SLCO5A1: variants seen among roughly 807,000 people sequenced by gnomAD.
SLCO5A1 encodes the protein solute carrier organic anion transporter family member 5A1.
SLCO5A1 carries 39 observed loss-of-function variants against 65.1 expected under a neutral mutation model. That is an observed-to-expected ratio of 0.60 (90% CI 0.46 to 0.78). The LOEUF (loss-of-function observed/expected upper bound fraction) is 0.78, where lower values mean the gene tolerates loss of function less well. SLCO5A1 is among the 30% of genes least tolerant of loss of function. The pLI is 0.00. For synonymous variants in SLCO5A1, 438 were observed against 415.7 expected, an observed-to-expected ratio of 1.05 and a Z score of -0.65; for missense variants, 1,029 against 1,069.4, an observed-to-expected ratio of 0.96 and a Z score of 0.53.
chr8:69,721,146 C>G (rs550556833), intron 5 of SLCO5A1, among the ~76,000 whole-genome samples: 1 of 152,310 alleles, frequency 6.6e-6, no homozygotes, highest in East Asian at 1.9e-4. Context: ...CTTCCTCCTT[C>G]CATTTTGCTA....
chr8:69,834,180 A>G (rs1196510750), intron 1 of SLCO5A1: 1 of 154,350 alleles, frequency 6.5e-6, no homozygotes, highest in East Asian at 1.9e-4. Context: ...GAATTCAGCA[A>G]GAATCGAAAA....
chr8:69,834,465 C>T (rs370917777), intron 1 of SLCO5A1, among the ~76,000 whole-genome samples: 2 of 152,334 alleles, frequency 1.3e-5, no homozygotes, highest in East Asian at 3.9e-4. Flanking sequence ...CCCAGATTCC[C>T]GGCCTGCCAG....
chr8:69,752,959 C>G (rs1001871435), intron 4 of SLCO5A1, among the ~76,000 whole-genome samples: 4 of 152,140 alleles, frequency 2.6e-5, no homozygotes, highest in Non-Finnish European at 4.4e-5. Flanking sequence ...ATATCTTGAA[C>G]CATCAAACTG....
At chr8:69,748,496 TAGAC>T (rs1048069944) in intron 4 of SLCO5A1, among the ~76,000 whole-genome samples, 7 of 152,150 alleles carry the variant, frequency 4.6e-5, no homozygotes, top group East Asian at 1.9e-4. Flanking sequence ...AATAAAATAA[TAGAC>T]AGGAAAGAAA....
chr8:69,794,318 C>T, intron 2 of SLCO5A1: 1 of 448,006 alleles, frequency 2.2e-6, no homozygotes, highest in Non-Finnish European at 4.4e-6. Context: ...AAGTAGATGT[C>T]ACAGGGCAGC....
chr8:69,771,446 A>G (rs1355267749), intron 2 of SLCO5A1, among the ~76,000 whole-genome samples: 2 of 151,940 alleles, frequency 1.3e-5, no homozygotes, highest in Non-Finnish European at 2.9e-5. Flanking sequence ...TATTAGGCTA[A>G]ATTTATTTGT....
intron 5 of SLCO5A1, among the ~76,000 whole-genome samples, chr8:69,733,493 G>C (rs368767922): frequency 1.3e-5 from 2 of 152,206 alleles, no homozygotes; most frequent in East Asian, 3.9e-4. Context: ...TGGATTCCAC[G>C]GGCACCCTGT....
intron 2 of SLCO5A1, among the ~76,000 whole-genome samples, chr8:69,796,279 T>C (rs1392477369): frequency 6.6e-6 from 1 of 151,864 alleles, no homozygotes; most frequent in Admixed American, 6.6e-5. Flanking sequence ...ATGGCCAGGC[T>C]GGAAATTTAC....
At chr8:69,732,866 C>T (rs1271089415) in intron 5 of SLCO5A1, among the ~76,000 whole-genome samples, 1 of 151,450 alleles carries the variant, frequency 6.6e-6, no homozygotes, top group Non-Finnish European at 1.5e-5. Context: ...TCCAGCCTGG[C>T]GACAGAGCGA....
intron 2 of SLCO5A1, among the ~76,000 whole-genome samples, chr8:69,821,828 G>T (rs1384786960): frequency 8.9e-5 from 13 of 145,352 alleles, no homozygotes; most frequent in African/African-American, 2.8e-4. Context: ...AAAAAGAAAA[G>T]AAAAGAAAAA....
At chr8:69,792,414 G>A (rs559326773) in intron 2 of SLCO5A1, among the ~76,000 whole-genome samples, 1 of 152,306 alleles carries the variant, frequency 6.6e-6, no homozygotes, top group African/African-American at 2.4e-5. Flanking sequence ...ATTTGAAATA[G>A]CAGAGATAGA....
chr8:69,776,468 G>A (rs143670675), intron 2 of SLCO5A1, among the ~76,000 whole-genome samples: 103 of 152,190 alleles, frequency 6.8e-4, no homozygotes, highest in African/African-American at 2.3e-3. Context: ...CAAGGCTGGC[G>A]GATTGCTTGA....
chr8:69,827,096 A>G (rs1054769090), intron 2 of SLCO5A1, among the ~76,000 whole-genome samples: 7 of 140,182 alleles, frequency 5.0e-5, no homozygotes, highest in African/African-American at 1.9e-4. Flanking sequence ...AAATTGAACA[A>G]TGAGAACACA....
intron 2 of SLCO5A1, among the ~76,000 whole-genome samples, chr8:69,795,665 C>T (rs1469889348): frequency 6.6e-6 from 1 of 152,186 alleles, no homozygotes; most frequent in East Asian, 1.9e-4. Flanking sequence ...ATCCACTATT[C>T]TGGGGTCTGG....
In SLCO5A1 at chr8:69,832,361, AG is replaced by A; in HGVS notation, c.312del (p.Phe105SerfsTer33). On this transcript the variant is annotated frameshift_variant, in exon 2 of 10. Coordinates refer to ENST00000260126, the MANE Select transcript of SLCO5A1 (RefSeq NM_030958.3). LOFTEE classifies it high-confidence loss of function. The surrounding 1 kb of genome is among the most constrained non-coding windows in gnomAD (Gnocchi z 4.5). ...DCNHRVDLSK[T>X]FSVSSALAML... The stretch of plus-strand genomic sequence containing the variant: ...ATGGCCAAGGCGGAGGACACCGAGA[AG>A]GTTTTGCTGAGGTCCACCCTGTGGT... 1 of 1,613,946 alleles carries A rather than the reference AG, an allele frequency of 6.2e-7. No homozygotes were observed. Among genetic ancestry groups the A allele is most frequent in the Non-Finnish European group, 8.5e-7 (1 of 1,179,922 alleles).
At chr8:69,681,997 C>T (rs1813801257) in intron 7 of SLCO5A1, among the ~76,000 whole-genome samples, 187 bp downstream of exon 7, 1 of 151,768 alleles carries the variant, frequency 6.6e-6, no homozygotes, top group Non-Finnish European at 1.5e-5. Context: ...TCCAGTCATC[C>T]CTGGAAAAAA....
At chr8:69,830,865 G>A (rs1159529401) in intron 2 of SLCO5A1, among the ~76,000 whole-genome samples, 1 of 152,120 alleles carries the variant, frequency 6.6e-6, no homozygotes, top group Non-Finnish European at 1.5e-5. Context: ...TACAATTGAG[G>A]GTTTTTGACA....
At chr8:69,742,496 A>G (rs957804581) in intron 4 of SLCO5A1, among the ~76,000 whole-genome samples, 1 of 152,238 alleles carries the variant, frequency 6.6e-6, no homozygotes, top group Non-Finnish European at 1.5e-5. Context: ...AAACAGTAGT[A>G]AAGTAGGAAT....
At chr8:69,761,171 A>G (rs1343942425) in intron 3 of SLCO5A1, among the ~76,000 whole-genome samples, 1 of 152,240 alleles carries the variant, frequency 6.6e-6, no homozygotes, top group Non-Finnish European at 1.5e-5. Flanking sequence ...GGATTAAGCC[A>G]GTGTCCCCAA....
Sources: gnomAD v4.1 joint callset for allele counts (sites outside exome capture counted in the v4.1 genomes callset) on GRCh38, gnomAD v4.1.1 for gene constraint, Gnocchi (gnomAD v3.1) non-coding constraint, MANE v1.5 for transcripts, NCBI Gene and HGNC (gene_info 2026-07-23, HGNC 2026-07-21) for gene names.